DENND1A: variants seen among roughly 807,000 people sequenced by gnomAD.
DENND1A encodes DENN domain-containing protein 1A.
DENND1A carries 51 observed loss-of-function variants against 113.7 expected under a neutral mutation model. That is an observed-to-expected ratio of 0.45 (90% CI 0.36 to 0.57). The LOEUF is 0.57. Among genes scored for constraint, DENND1A ranks in the 20% least tolerant of loss-of-function variants. The pLI is 0.00. For synonymous variants in DENND1A, 565 were observed against 570.8 expected (o/e 0.99, Z 0.14); for missense variants, 1,258 against 1,395.9 (o/e 0.90, Z 1.57).
intron 2 of DENND1A, among the ~76,000 whole-genome samples, chr9:123,819,509 T>A (rs1035816865): frequency 1.3e-5 from 2 of 152,170 alleles, no homozygotes; most frequent in African/African-American, 4.8e-5. Context: ...TCTTAAAGAC[T>A]GGGATTAAAA....
chr9:123,729,957 C>G (rs560771488), intron 5 of DENND1A, among the ~76,000 whole-genome samples: 127 of 152,264 alleles, frequency 8.3e-4, no homozygotes, highest in African/African-American at 3.0e-3. Context: ...TCATGCCACA[C>G]ATCTACAACC....
chr9:123,876,293 G>A (rs1847451638), intron 2 of DENND1A, among the ~76,000 whole-genome samples: 1 of 152,168 alleles, frequency 6.6e-6, no homozygotes, highest in South Asian at 2.1e-4. Flanking sequence ...TAAATGGACT[G>A]CATGATTCCG....
chr9:123,916,729 A>G (rs925640762), intron 1 of DENND1A, among the ~76,000 whole-genome samples: 3 of 152,122 alleles, frequency 2.0e-5, no homozygotes, highest in Non-Finnish European at 2.9e-5. Context: ...CTCGGTACCT[A>G]TGTCAGGGAA....
At chr9:123,450,887 T>C (rs1240449433) in intron 17 of DENND1A, 138 bp from the exon 18 acceptor site, 4 of 633,426 alleles carry the variant, frequency 6.3e-6, no homozygotes, top group Non-Finnish European at 1.1e-5. Context: ...GTCGAAAACA[T>C]AATGGCTATG....
At chr9:123,818,704 C>CA (rs144516169) in intron 2 of DENND1A, among the ~76,000 whole-genome samples, 10,117 of 152,034 alleles carry the variant, frequency 0.067, 461 homozygotes, top group African/African-American at 0.13. Flanking sequence ...GCACATGAAA[C>CA]AAAGTTTGTG....
intron 5 of DENND1A, among the ~76,000 whole-genome samples, chr9:123,681,639 G>A (rs186765090): frequency 1.6e-4 from 25 of 152,230 alleles, no homozygotes; most frequent in Admixed American, 6.5e-4. Flanking sequence ...GTGTCAAACT[G>A]GAACTGAATG....
At chr9:123,671,878 G>T (rs1349827942) in intron 6 of DENND1A, among the ~76,000 whole-genome samples, 1 of 152,194 alleles carries the variant, frequency 6.6e-6, no homozygotes, top group African/African-American at 2.4e-5. Flanking sequence ...TGGTGGCTAT[G>T]CATTCTAATT....
At chr9:123,643,782 G>A (rs189165957) in intron 9 of DENND1A, among the ~76,000 whole-genome samples, 16 of 152,368 alleles carry the variant, frequency 1.1e-4, no homozygotes, top group Admixed American at 3.3e-4. Flanking sequence ...GACTGGGTGT[G>A]TCAATGGGAA....
chr9:123,817,877 A>C (rs1044000482), intron 2 of DENND1A, among the ~76,000 whole-genome samples: 8 of 151,766 alleles, frequency 5.3e-5, no homozygotes, highest in African/African-American at 1.9e-4. Context: ...AAATACAAAA[A>C]TTAGCCAGGC....
chr9:123,670,186 G>A (rs2063696853), intron 7 of DENND1A, among the ~76,000 whole-genome samples: 1 of 152,080 alleles, frequency 6.6e-6, no homozygotes, highest in Non-Finnish European at 1.5e-5. Flanking sequence ...AACCTACAAG[G>A]AATATCAATT....
At chr9:123,841,579 G>A (rs1363135200) in intron 2 of DENND1A, among the ~76,000 whole-genome samples, 1 of 152,134 alleles carries the variant, frequency 6.6e-6, no homozygotes, top group Non-Finnish European at 1.5e-5. Flanking sequence ...CACAAGTAAT[G>A]TAACTATAAG....
chr9:123,794,521 C>A (rs530519909), intron 2 of DENND1A, among the ~76,000 whole-genome samples: 1 of 152,178 alleles, frequency 6.6e-6, no homozygotes, highest in Non-Finnish European at 1.5e-5. Context: ...TACTTTCATG[C>A]CAATCGTTAC....
intron 1 of DENND1A, among the ~76,000 whole-genome samples, chr9:123,902,946 T>TC (rs1024204845): frequency 1.3e-5 from 2 of 150,270 alleles, no homozygotes; most frequent in Non-Finnish European, 3.0e-5. Context: ...TATAATAATA[T>TC]CCAAAAAAGA....
rs77928883 is a variant in DENND1A at position 123,911,700 on chromosome 9, T to C, written c.17+18189A>G. 4.4e-4 allele frequency among the ~76,000 whole-genome samples: 42 copies of C among 94,550 alleles called. No individual in the cohort carries two copies. The South Asian group carries it at 5.7e-3, about 13-fold the overall frequency. The allele number at this position is 94,550 out of a possible 152,430, so 62.0% of individuals were successfully genotyped here. The stretch of plus-strand genomic sequence containing the variant: ...AATCAGAATAGTGATTTTTTTTTTC[T>C]TTTTTTTTTTGAGGCGGAGTCTTGC... On this transcript the variant is annotated intron_variant, in intron 1 of 23. Transcript: ENST00000394215.
rs147555715 is a variant in DENND1A at position 123,657,215 on chromosome 9, G to A, written c.508-5092C>T. On this transcript the variant is annotated intron_variant, in intron 8 of 23. Transcript: ENST00000394215. ...GTCAGGTCAAGTGCGAACCCCCTGT[G>A]GCTCTAAATCCAGACAAAGAGAAAG... 7.9e-5 allele frequency among the ~76,000 whole-genome samples: 12 copies of A among 152,250 alleles called. 1 individual carries two copies. The East Asian group carries it at 2.3e-3, about 29-fold the overall frequency.
intron 2 of DENND1A, among the ~76,000 whole-genome samples, chr9:123,805,645 G>A (rs958628688): frequency 6.6e-6 from 1 of 151,976 alleles, no homozygotes; most frequent in African/African-American, 2.4e-5. Context: ...TGTTGGCCAG[G>A]CTGGTCTCAA....
At chr9:123,573,575 T>TA (rs1220786004) in intron 12 of DENND1A, among the ~76,000 whole-genome samples, 2 of 152,130 alleles carry the variant, frequency 1.3e-5, no homozygotes, top group African/African-American at 4.8e-5. Flanking sequence ...AATGGTACTT[T>TA]AAAAAATCTC....
intron 6 of DENND1A, among the ~76,000 whole-genome samples, chr9:123,673,523 G>C (rs1330317269): frequency 2.0e-5 from 3 of 152,170 alleles, no homozygotes; most frequent in Admixed American, 2.0e-4. Context: ...CCAGAATCAG[G>C]TTATTTCTTC....
intron 10 of DENND1A, among the ~76,000 whole-genome samples, chr9:123,627,809 A>G (rs148643166): frequency 2.0e-4 from 31 of 151,828 alleles, no homozygotes; most frequent in Non-Finnish European, 4.0e-4. Context: ...GCTCACAAAG[A>G]CTTGAAGCAA....
Sources: gnomAD v4.1 joint callset for allele counts (sites outside exome capture counted in the v4.1 genomes callset) on GRCh38, gnomAD v4.1.1 for gene constraint, MANE v1.5 for transcripts, NCBI Gene and HGNC (gene_info 2026-07-23, HGNC 2026-07-21) for gene names.